NCALD: variants seen among roughly 807,000 people sequenced by gnomAD.
NCALD encodes the protein neurocalcin delta.
NCALD carries 10 observed loss-of-function variants against 18.6 expected under a neutral mutation model. The observed-to-expected ratio is 0.54, with a 90% CI of 0.33 to 0.91. The LOEUF is 0.91. NCALD is among the 40% of genes least tolerant of loss of function. The probability of loss-of-function intolerance (pLI) is 0.03; values close to 1 mark genes in which losing one functional copy is unlikely to be tolerated. For synonymous variants in NCALD, 88 were observed against 87.4 expected (o/e 1.01, Z -0.04); for missense variants, 184 against 247.6 (o/e 0.74, Z 1.72).
At chr8:101,907,968 C>G (rs193196620) in intron 3 of NCALD, among the ~76,000 whole-genome samples, 1 of 152,206 alleles carries the variant, frequency 6.6e-6, no homozygotes, top group Non-Finnish European at 1.5e-5. Flanking sequence ...GGGCTCCCCC[C>G]ATTCTTTAAA....
At chr8:102,072,594 A>T (rs1212552103) in intron 1 of NCALD, among the ~76,000 whole-genome samples, 1 of 152,148 alleles carries the variant, frequency 6.6e-6, no homozygotes, top group South Asian at 2.1e-4. Flanking sequence ...GAGCAGACAG[A>T]TGGAAGAAAG....
intron 2 of NCALD, among the ~76,000 whole-genome samples, chr8:101,705,039 C>A (rs2130207525): frequency 6.6e-6 from 1 of 151,664 alleles, no homozygotes; most frequent in East Asian, 2.0e-4. Context: ...CCAGCCTGGC[C>A]AACATGATGA....
At chr8:102,066,869 G>A (rs1292000065) in intron 1 of NCALD, among the ~76,000 whole-genome samples, 5 of 152,206 alleles carry the variant, frequency 3.3e-5, no homozygotes, top group East Asian at 1.9e-4. Context: ...TTGGCCTGAC[G>A]TTGTCCTTGA....
chr8:102,010,373 GATCAGCAATTATAAAAT>G, intron 2 of NCALD, among the ~76,000 whole-genome samples: 1 of 152,266 alleles, frequency 6.6e-6, no homozygotes, highest in Admixed American at 6.5e-5. Context: ...GGTGCCCAGG[GATCAGCAATTATAAAAT>G]ATCCAAGAAT....
chr8:102,034,890 G>T (rs1187602195), intron 1 of NCALD, among the ~76,000 whole-genome samples: 1 of 152,150 alleles, frequency 6.6e-6, no homozygotes, highest in African/African-American at 2.4e-5. Flanking sequence ...AGTGTTCATT[G>T]TATTCACATT....
At chr8:101,980,170 C>T (rs1189561816) in intron 2 of NCALD, among the ~76,000 whole-genome samples, 1 of 152,164 alleles carries the variant, frequency 6.6e-6, no homozygotes, top group East Asian at 1.9e-4. Flanking sequence ...AATGGCCTTG[C>T]TCTCTCACCA....
chr8:102,045,988 A>G (rs1273319798), intron 1 of NCALD, among the ~76,000 whole-genome samples: 1 of 152,242 alleles, frequency 6.6e-6, no homozygotes, highest in Non-Finnish European at 1.5e-5. Flanking sequence ...TTCTAATTAG[A>G]TAATACATTC....
At position 101,686,865 on chromosome 8, in the gene NCALD, G is replaced by A. The variant is rs1316683423; in HGVS notation, c.*2444C>T. 6.6e-6 allele frequency: 1 copy of A among 152,648 alleles called. No individual in the cohort carries two copies. The highest frequency in any genetic ancestry group is 1.5e-5 in the Non-Finnish European group (1 of 68,112). 9.5% of individuals were successfully genotyped at this position (152,648 alleles called of 1,614,324 possible). On this transcript the variant is annotated 3_prime_UTR_variant, in exon 4 of 4. Coordinates refer to ENST00000220931, the MANE Select transcript of NCALD (RefSeq NM_032041.3). ...TGACAATGAACAGCCCAGCAGAGGAGTGACATAAACCTTGAGGCATGCAGT... is the reference window on the plus strand; with the variant it reads ...TGACAATGAACAGCCCAGCAGAGGAATGACATAAACCTTGAGGCATGCAGT...
At chr8:102,023,553 G>A (rs970580983) in intron 1 of NCALD, among the ~76,000 whole-genome samples, 6 of 152,144 alleles carry the variant, frequency 3.9e-5, no homozygotes, top group Admixed American at 6.5e-5. Context: ...CAGGGAATTT[G>A]GTATATTGAC....
chr8:101,705,196 C>G (rs567615477), intron 2 of NCALD, among the ~76,000 whole-genome samples: 1 of 147,898 alleles, frequency 6.8e-6, no homozygotes, highest in East Asian at 2.1e-4. Flanking sequence ...AGCACTCCAG[C>G]CTGGGCAGCA....
intron 4 of NCALD, among the ~76,000 whole-genome samples, chr8:101,814,660 A>G (rs1184204436): frequency 6.6e-6 from 1 of 152,140 alleles, no homozygotes; most frequent in African/African-American, 2.4e-5. Flanking sequence ...CAGATTGGGA[A>G]GGATGAAATA....
chr8:102,085,752 T>TA (rs35138208), intron 1 of NCALD, among the ~76,000 whole-genome samples: 4,996 of 140,620 alleles, frequency 0.036, 120 homozygotes, highest in Non-Finnish European at 0.051. Flanking sequence ...ACTCTGTCTT[T>TA]AAAAAAAAAA....
intron 2 of NCALD, among the ~76,000 whole-genome samples, chr8:101,984,244 CA>C (rs1462402411): frequency 6.6e-6 from 1 of 152,180 alleles, no homozygotes; most frequent in Non-Finnish European, 1.5e-5. Flanking sequence ...TTATATACCA[CA>C]ATTCCAGGTA....
intron 1 of NCALD, chr8:101,788,732 C>CTA: frequency 6.6e-6 from 1 of 152,312 alleles, no homozygotes; most frequent in African/African-American, 2.4e-5. Flanking sequence ...ATGTCCGAAA[C>CTA]TATACACAAA....
intron 2 of NCALD, among the ~76,000 whole-genome samples, chr8:101,971,396 ACC>A (rs1449477480): frequency 6.6e-6 from 1 of 152,026 alleles, no homozygotes; most frequent in Non-Finnish European, 1.5e-5. Context: ...CAAGGGCAGG[ACC>A]TGGTGGGAGG....
chr8:101,988,593 A>T (rs1820917184), intron 2 of NCALD, among the ~76,000 whole-genome samples: 1 of 152,226 alleles, frequency 6.6e-6, no homozygotes, highest in Non-Finnish European at 1.5e-5. Context: ...GCCTGACTAA[A>T]CATATAAGTG....
chr8:101,862,668 G>A (rs748713950), intron 4 of NCALD, among the ~76,000 whole-genome samples: 7 of 152,168 alleles, frequency 4.6e-5, no homozygotes, highest in Non-Finnish European at 8.8e-5. Context: ...TTTTATTGCT[G>A]CCATTTATCA....
At chr8:101,805,572 C>T (rs1047022813) in intron 4 of NCALD, among the ~76,000 whole-genome samples, 4 of 152,192 alleles carry the variant, frequency 2.6e-5, no homozygotes, top group Admixed American at 6.5e-5. Flanking sequence ...ATCACTGCCT[C>T]ATGCCTAAAG....
At chr8:101,737,058 C>G (rs1563714574) in intron 1 of NCALD, among the ~76,000 whole-genome samples, 1 of 152,050 alleles carries the variant, frequency 6.6e-6, no homozygotes, top group Admixed American at 6.5e-5. Context: ...TTAAAAAACA[C>G]AAAACCACCT....
Sources: allele counts gnomAD v4.1 joint callset (sites outside exome capture counted in the v4.1 genomes callset), GRCh38; gene constraint gnomAD v4.1.1; transcripts MANE v1.5; gene names NCBI Gene and HGNC (gene_info 2026-07-23, HGNC 2026-07-21).